The following ZMAT4 variants were observed in gnomAD, a reference collection of about 807,000 sequenced individuals.
ZMAT4 encodes zinc finger matrin-type protein 4.
ZMAT4 carries 17 observed loss-of-function variants against 28.7 expected under a neutral mutation model. That is an observed-to-expected ratio of 0.59 (90% CI 0.41 to 0.89). The LOEUF is 0.89. ZMAT4 is among the 40% of genes least tolerant of loss of function. ZMAT4 has a pLI of 0.00. For missense variants in ZMAT4, 240 were observed against 283.8 expected (o/e 0.85, Z 1.11); for synonymous variants, 117 against 109.2 (o/e 1.07, Z -0.44).
Position 40,892,573 on chromosome 8 carries a change from G to C in ZMAT4, c.-5+5110C>G, listed in dbSNP as rs569686947. ...AATTAGGAGCCTAGAGAAAGCAAAT[G>C]GTCTATTCAATTTGGAAACAAGAAG... On this transcript the variant is annotated intron_variant, in intron 1 of 6. Coordinates refer to ENST00000297737, the MANE Select transcript of ZMAT4 (RefSeq NM_024645.3). 2.0e-5 allele frequency among the ~76,000 whole-genome samples: 3 copies of C among 152,310 alleles called. No homozygotes were observed. The South Asian group carries it at 6.2e-4, about 32-fold the overall frequency.
chr8:40,891,186 G>GGGAGAGGAGAGGAGAGGAGA (rs1191699611), intron 1 of ZMAT4, among the ~76,000 whole-genome samples: 7 of 44,654 alleles, frequency 1.6e-4, no homozygotes, highest in South Asian at 8.5e-4. Context: ...CAACAGAGTG[G>GGGAGAGGAGAGGAGAGGAGA]GGAGAGGAGA....
intron 2 of ZMAT4, among the ~76,000 whole-genome samples, chr8:40,783,164 C>T (rs1278603793): frequency 3.3e-5 from 5 of 152,208 alleles, no homozygotes; most frequent in African/African-American, 1.2e-4. Flanking sequence ...ATATATCCAT[C>T]AACTGATGAA....
At chr8:40,875,149 C>T (rs1000906180) in intron 1 of ZMAT4, among the ~76,000 whole-genome samples, 1 of 152,200 alleles carries the variant, frequency 6.6e-6, no homozygotes, top group Non-Finnish European at 1.5e-5. Flanking sequence ...TATTCCTGGC[C>T]TTCAGAGTTC....
intron 5 of ZMAT4, among the ~76,000 whole-genome samples, chr8:40,597,011 A>G (rs1339018180): frequency 6.6e-6 from 1 of 152,184 alleles, no homozygotes; most frequent in East Asian, 1.9e-4. Flanking sequence ...CTCTTTTGTA[A>G]ATAAAGAAAA....
intron 5 of ZMAT4, among the ~76,000 whole-genome samples, chr8:40,667,836 A>T (rs1467629737): frequency 7.9e-5 from 3 of 38,014 alleles, no homozygotes; most frequent in Non-Finnish European, 2.1e-4. Context: ...CCATTATTTA[A>T]AAAAAAAAAA....
chr8:40,621,839 A>G (rs1341070619), intron 5 of ZMAT4, among the ~76,000 whole-genome samples: 1 of 152,216 alleles, frequency 6.6e-6, no homozygotes, highest in East Asian at 1.9e-4. Flanking sequence ...GATACCATCT[A>G]TGAATTGTTC....
At chr8:40,881,534 GAAAGAA>G (rs1818249610) in intron 1 of ZMAT4, among the ~76,000 whole-genome samples, 1 of 27,094 alleles carries the variant, frequency 3.7e-5, no homozygotes, top group Admixed American at 4.5e-4. Flanking sequence ...GAGACAGAAA[GAAAGAA>G]AGAAAGAAAG....
At chr8:40,880,938 C>A (rs1424345221) in intron 1 of ZMAT4, among the ~76,000 whole-genome samples, 1 of 152,174 alleles carries the variant, frequency 6.6e-6, no homozygotes, top group Admixed American at 6.6e-5. Context: ...CTCAGCCCAA[C>A]CCAAACAACC....
chr8:40,755,116 A>G, intron 3 of ZMAT4, among the ~76,000 whole-genome samples: 1 of 152,252 alleles, frequency 6.6e-6, no homozygotes, highest in South Asian at 2.1e-4. Context: ...CACAAATTTC[A>G]AACTTTTCTC....
At chr8:40,797,587 G>GT (rs1425484048) in intron 2 of ZMAT4, among the ~76,000 whole-genome samples, 1 of 152,206 alleles carries the variant, frequency 6.6e-6, no homozygotes, top group Non-Finnish European at 1.5e-5. Context: ...CCCAGATATT[G>GT]TAGCTGTGCA....
chr8:40,697,025 G>A (rs1035628132), intron 4 of ZMAT4: 6 of 423,760 alleles, frequency 1.4e-5, no homozygotes, highest in African/African-American at 4.0e-5. Context: ...TTACTTCATC[G>A]AAAGGAACTA....
intron 2 of ZMAT4, among the ~76,000 whole-genome samples, chr8:40,799,265 G>A (rs182295203): frequency 2.8e-4 from 43 of 151,918 alleles, no homozygotes; most frequent in African/African-American, 9.4e-4. Context: ...AGAGAGAGAG[G>A]GAGACAGATA....
At chr8:40,574,780 C>T (rs956531017) in intron 6 of ZMAT4, among the ~76,000 whole-genome samples, 4 of 152,148 alleles carry the variant, frequency 2.6e-5, no homozygotes, top group Non-Finnish European at 4.4e-5. Flanking sequence ...GAAGTACCCT[C>T]GCCAGCCCAC....
chr8:40,772,474 A>T (rs1023460478), intron 2 of ZMAT4, among the ~76,000 whole-genome samples: 15 of 152,356 alleles, frequency 9.8e-5, no homozygotes, highest in African/African-American at 2.9e-4. Flanking sequence ...ATTATCACAC[A>T]TGCCTCAAAA....
intron 3 of ZMAT4, among the ~76,000 whole-genome samples, chr8:40,766,754 C>T (rs7008010): frequency 0.16 from 24,155 of 152,112 alleles, 3,059 homozygotes; most frequent in East Asian, 0.6. Flanking sequence ...CTTTTTATCC[C>T]CTGTGAAAAA....
intron 5 of ZMAT4, among the ~76,000 whole-genome samples, chr8:40,618,633 A>G (rs1028775992): frequency 6.6e-6 from 1 of 150,856 alleles, no homozygotes; most frequent in Non-Finnish European, 1.5e-5. Context: ...ATTTTTATAC[A>G]GTATACTACA....
intron 6 of ZMAT4, among the ~76,000 whole-genome samples, chr8:40,574,487 C>T (rs1453649169): frequency 6.6e-6 from 1 of 152,036 alleles, no homozygotes; most frequent in African/African-American, 2.4e-5. Context: ...AATATGCAGA[C>T]AGAATATAAG....
intron 5 of ZMAT4, among the ~76,000 whole-genome samples, chr8:40,663,426 G>T (rs1808283466): frequency 6.6e-6 from 1 of 152,100 alleles, no homozygotes; most frequent in Non-Finnish European, 1.5e-5. Flanking sequence ...AACCCTTTGA[G>T]ATTAGAGGAT....
Position 40,802,250 on chromosome 8 carries a change from T to A in ZMAT4, c.102+23325A>T, listed in dbSNP as rs559344311. ...AATGCAATAAGGAAAGAAAAGGAAA[T>A]AAAAGGTATACCTTTTGGGAAGAAA... On this transcript the variant is annotated intron_variant, in intron 2 of 6. Transcript: ENST00000297737. Among the ~76,000 whole-genome samples, 6 of 152,264 alleles carry A rather than the reference T, an allele frequency of 3.9e-5. No homozygotes were observed. The East Asian group carries it at 9.6e-4, about 24-fold the overall frequency.
Sources: allele counts gnomAD v4.1 joint callset (sites outside exome capture counted in the v4.1 genomes callset), GRCh38; gene constraint gnomAD v4.1.1; transcripts MANE v1.5; gene names NCBI Gene and HGNC (gene_info 2026-07-23, HGNC 2026-07-21).